Variants in SIPA1L1 observed in about 807,000 individuals in gnomAD.
The protein encoded by SIPA1L1 is signal-induced proliferation-associated 1-like protein 1.
Under a neutral mutation model 162.7 loss-of-function variants are expected in SIPA1L1, and 26 were observed. The ratio of observed to expected loss-of-function variants is 0.16; its 90% CI spans 0.12 to 0.22. SIPA1L1 has a LOEUF of 0.22. SIPA1L1 is among the 10% of genes least tolerant of loss of function. The probability of loss-of-function intolerance (pLI) is 1.00; values close to 1 mark genes in which losing one functional copy is unlikely to be tolerated. For synonymous variants in SIPA1L1, 829 were observed against 837.4 expected, an observed-to-expected ratio of 0.99 and a Z score of 0.17; for missense variants, 1,874 against 2,241.0, an observed-to-expected ratio of 0.84 and a Z score of 3.31.
intron 4 of SIPA1L1, among the ~76,000 whole-genome samples, chr14:71,531,820 A>G (rs376829610): frequency 6.6e-6 from 1 of 152,082 alleles, no homozygotes; most frequent in Non-Finnish European, 1.5e-5. Context: ...AATGAATCTT[A>G]AGTCATTTAA....
chr14:71,658,456 T>G lies in SIPA1L1; in HGVS notation c.2097+20T>G, dbSNP rs369327499. 7.1e-7 allele frequency: 1 copy of G among 1,411,330 alleles called. No individual in the cohort carries two copies. The highest frequency in any genetic ancestry group is 1.0e-6 in the Non-Finnish European group (1 of 995,220). The allele number at this position is 1,411,330 out of a possible 1,614,324, so 87.4% of individuals were successfully genotyped here. ...CAACAGGTAAGAGATCCTCCTGTTA[T>G]CTGTGTTTTCACCCTTGTTTCATTT... On this transcript the variant is annotated intron_variant, in intron 9 of 23. Coordinates refer to ENST00000381232, the MANE Select transcript of SIPA1L1 (RefSeq NM_001386936.1).
chr14:71,422,636 G>A (rs2043271642), intron 2 of SIPA1L1, among the ~76,000 whole-genome samples: 1 of 152,208 alleles, frequency 6.6e-6, no homozygotes, highest in South Asian at 2.1e-4. Context: ...AGATTCATCT[G>A]TGTTGTAGCA....
intron 5 of SIPA1L1, among the ~76,000 whole-genome samples, chr14:71,604,594 T>C (rs551518366): frequency 1.3e-5 from 2 of 152,376 alleles, no homozygotes; most frequent in East Asian, 3.9e-4. Flanking sequence ...TCTCAGCTTT[T>C]GCTTGTCTTG....
rs557635579 is a variant in SIPA1L1, at chr14:71,675,617, G to A, written c.3104+2995G>A. Among the ~76,000 whole-genome samples, 100 of 152,086 alleles carry A rather than the reference G, an allele frequency of 6.6e-4. 1 individual carries two copies. The highest frequency in any genetic ancestry group is 6.8e-4 in the Non-Finnish European group (46 of 67,962). Reference sequence around the variant, plus strand: ...TTGTGTCATTTTTTTCTTCTCCTCCGCACTTCACACTCCCACTGCTGTTTT... The same window carrying A: ...TTGTGTCATTTTTTTCTTCTCCTCCACACTTCACACTCCCACTGCTGTTTT... On this transcript the variant is annotated intron_variant, in intron 12 of 23. Transcript: ENST00000381232.
rs753416693 is a variant in SIPA1L1 at position 71,588,579 on chromosome 14, G to A, written c.707G>A (p.Arg236Gln). Residue 236 changes from arginine to glutamine, a missense_variant, in exon 5 of 24, where the codon CGA becomes CAA. Physicochemically the swap from Arg to Gln is conservative, Grantham distance 43. Around this residue, in one of 5 missense-constraint regions of SIPA1L1, gnomAD observed 685 missense variants for 828.0 expected, o/e 0.83. Transcript: ENST00000381232. This position sits in a 1 kb window ranked among gnomAD's most constrained non-coding sequence, Gnocchi z 4.3. ...LKGYKDDKSDRGPTPTKLSDF... is the reference protein window; with the variant it reads ...LKGYKDDKSDQGPTPTKLSDF... ...GGCTACAAAGATGACAAATCTGATCGAGGTCCAACTCCAACCAAGCTCAGT... is the reference window on the plus strand; with the variant it reads ...GGCTACAAAGATGACAAATCTGATCAAGGTCCAACTCCAACCAAGCTCAGT... The A allele has an allele frequency of 1.0e-4, 166 of 1,613,898 alleles. No homozygotes were observed. Among genetic ancestry groups the A allele is most frequent in the Non-Finnish European group, 1.4e-4 (162 of 1,179,990 alleles).
At chr14:71,565,245 TAACAC>T (rs1046160766) in intron 4 of SIPA1L1, among the ~76,000 whole-genome samples, 6 of 152,232 alleles carry the variant, frequency 3.9e-5, no homozygotes, top group African/African-American at 1.4e-4. Flanking sequence ...CTGTCTTATA[TAACAC>T]AACCTTTTCA....
intron 2 of SIPA1L1, among the ~76,000 whole-genome samples, chr14:71,420,735 G>GT (rs145823833): frequency 0.032 from 4,855 of 150,822 alleles, 263 homozygotes; most frequent in African/African-American, 0.11. Flanking sequence ...CTGCTTTTGT[G>GT]TTTTTTTTTG....
Position 71,671,545 on chromosome 14 carries a change from C to T in SIPA1L1, c.2682C>T (p.Ser894=), listed in dbSNP as rs759321256. 20 of 1,614,046 alleles carry T rather than the reference C, an allele frequency of 1.2e-5. No homozygotes were observed. The highest frequency in any genetic ancestry group is 3.3e-5 in the Admixed American group (2 of 59,996). ...FIVLIEQETK[S]VVFNCSCRDV... ...TGCTCATTGAACAGGAAACAAAGAG[C>T]GTGGTCTTCAATTGTTCCTGTAGAG... Residue 894 remains serine, a synonymous_variant, in exon 11 of 24, where the codon AGC becomes AGT. Transcript: ENST00000381232.
intron 2 of SIPA1L1, among the ~76,000 whole-genome samples, chr14:71,335,520 A>G (rs774599526): frequency 6.6e-6 from 1 of 152,194 alleles, no homozygotes; most frequent in African/African-American, 2.4e-5. Flanking sequence ...GATGACTGCC[A>G]TCTAAGTAAG....
chr14:71,678,512 G>A (rs1464063869), intron 12 of SIPA1L1, among the ~76,000 whole-genome samples: 1 of 152,152 alleles, frequency 6.6e-6, no homozygotes, highest in African/African-American at 2.4e-5. Flanking sequence ...TGGTGGATAA[G>A]CTTTTTGATG....
At chr14:71,356,343 A>T in intron 2 of SIPA1L1, among the ~76,000 whole-genome samples, 1 of 151,870 alleles carries the variant, frequency 6.6e-6, no homozygotes, top group Admixed American at 6.6e-5. Context: ...ATCAATTTAA[A>T]ATAATATAAT....
chr14:71,700,760 C>T (rs990844181), intron 14 of SIPA1L1, among the ~76,000 whole-genome samples: 3 of 151,886 alleles, frequency 2.0e-5, no homozygotes, highest in Admixed American at 6.6e-5. Flanking sequence ...TTTGGGAGGC[C>T]GAGGCGGGCG....
chr14:71,669,167 T>A (rs757782042), intron 10 of SIPA1L1, among the ~76,000 whole-genome samples: 1 of 152,194 alleles, frequency 6.6e-6, no homozygotes, highest in Non-Finnish European at 1.5e-5. Flanking sequence ...CCTGTATCAT[T>A]TACCTCCCTA....
chr14:71,389,037 C>T (rs535753914), intron 2 of SIPA1L1, among the ~76,000 whole-genome samples: 1 of 152,276 alleles, frequency 6.6e-6, no homozygotes, highest in South Asian at 2.1e-4. Flanking sequence ...AGCTCGACCT[C>T]TCGAAGTGCT....
chr14:71,488,084 G>C (rs982704451), intron 2 of SIPA1L1, among the ~76,000 whole-genome samples: 2 of 152,180 alleles, frequency 1.3e-5, no homozygotes, highest in African/African-American at 4.8e-5. Flanking sequence ...TGATTGTTCA[G>C]ATATCTAGAA....
chr14:71,688,623 C>T (rs910556532), intron 13 of SIPA1L1, among the ~76,000 whole-genome samples: 1 of 152,172 alleles, frequency 6.6e-6, no homozygotes, highest in African/African-American at 2.4e-5. Flanking sequence ...TATTGAGATA[C>T]AGAAGTGAGG....
At chr14:71,432,920 C>G (rs914570002) in intron 2 of SIPA1L1, among the ~76,000 whole-genome samples, 1 of 152,128 alleles carries the variant, frequency 6.6e-6, no homozygotes, top group Non-Finnish European at 1.5e-5. Context: ...GTAAATGTTA[C>G]AGGTAGCTCT....
At chr14:71,624,322 A>C (rs1276128328) in intron 7 of SIPA1L1, 86 bp downstream of exon 7, 1 of 1,149,622 alleles carries the variant, frequency 8.7e-7, no homozygotes, top group Non-Finnish European at 1.2e-6. Flanking sequence ...TCTTGTTTTG[A>C]TGGAGATAAT....
At chr14:71,541,920 T>C (rs994374472) in intron 4 of SIPA1L1, among the ~76,000 whole-genome samples, 2 of 152,116 alleles carry the variant, frequency 1.3e-5, no homozygotes, top group Non-Finnish European at 2.9e-5. Flanking sequence ...CCATTCCATA[T>C]ATTTCCCATT....
Sources: gnomAD v4.1 joint callset for allele counts (sites outside exome capture counted in the v4.1 genomes callset) on GRCh38, gnomAD v4.1.1 for gene constraint, gnomAD v4.1.1 regional missense constraint, Gnocchi (gnomAD v3.1) non-coding constraint, MANE v1.5 for transcripts, NCBI Gene and HGNC (gene_info 2026-07-23, HGNC 2026-07-21) for gene names.